SLC12A2: variants seen among roughly 807,000 people sequenced by gnomAD.
The protein encoded by SLC12A2 is solute carrier family 12 member 2, also known as Na-K-2Cl cotransporter 1.
Under a neutral mutation model 136.3 loss-of-function variants are expected in SLC12A2, and 67 were observed. The observed-to-expected ratio is 0.49, with a 90% CI of 0.40 to 0.60. SLC12A2 has a LOEUF of 0.60. Ranked by LOEUF, SLC12A2 falls within the 20% of genes least tolerant of loss-of-function variation. The pLI, the probability that SLC12A2 is intolerant of heterozygous loss-of-function variation, is 0.00. For synonymous variants in SLC12A2, 619 were observed against 562.9 expected, an observed-to-expected ratio of 1.10 and a Z score of -1.41; for missense variants, 1,322 against 1,534.7, an observed-to-expected ratio of 0.86 and a Z score of 2.32.
intron 4 of SLC12A2, among the ~76,000 whole-genome samples, chr5:128,128,603 A>G (rs528128943): frequency 1.3e-5 from 2 of 152,204 alleles, no homozygotes; most frequent in Admixed American, 1.3e-4. Flanking sequence ...GTTTAAATAC[A>G]GTTCTTTACT....
chr5:128,114,513 C>A, intron 3 of SLC12A2, 73 bp from the exon 4 acceptor site: 1 of 1,066,518 alleles, frequency 9.4e-7, no homozygotes, highest in Admixed American at 1.9e-5. Flanking sequence ...TATTCTTAGA[C>A]CAACCAGTTT....
chr5:128,131,876 A>G (rs967254897), intron 5 of SLC12A2, among the ~76,000 whole-genome samples: 1 of 151,972 alleles, frequency 6.6e-6, no homozygotes, highest in Admixed American at 6.5e-5. Flanking sequence ...GTGGTGGCGC[A>G]TGCCTGTAAT....
intron 1 of SLC12A2, among the ~76,000 whole-genome samples, chr5:128,103,507 G>A (rs572412514): frequency 5.3e-5 from 8 of 152,296 alleles, no homozygotes; most frequent in African/African-American, 1.9e-4. Flanking sequence ...TGACAGGAAA[G>A]GTCTGTGCTG....
rs70997362 is a variant in SLC12A2 at position 128,102,596 on chromosome 5, C to CTTTTTTTTTTTTTTTTTTTTTT, written c.757-10208_757-10187dup. 3.5e-4 allele frequency among the ~76,000 whole-genome samples: 14 copies of CTTTTTTTTTTTTTTTTTTTTTT among 40,460 alleles called. 3 individuals are homozygous for CTTTTTTTTTTTTTTTTTTTTTT. The highest frequency in any genetic ancestry group is 5.7e-4 in the East Asian group (1 of 1,746). The allele number at this position is 40,460 out of a possible 152,430, so 26.5% of individuals were successfully genotyped here. A position where few individuals can be genotyped will look rare whatever the true frequency, so the allele number is the denominator to read the frequency against. ...TTCTGTAATTCACCCCCCCCCCCGC[C>CTTTTTTTTTTTTTTTTTTTTTT]TTTTTTTTTTTTTTTTTTTTTTTTT... On this transcript the variant is annotated intron_variant, in intron 1 of 26. Coordinates refer to ENST00000262461, the MANE Select transcript of SLC12A2 (RefSeq NM_001046.3).
intron 4 of SLC12A2, among the ~76,000 whole-genome samples, chr5:128,125,012 T>C (rs1373910582): frequency 6.6e-6 from 1 of 152,222 alleles, no homozygotes; most frequent in Non-Finnish European, 1.5e-5. Context: ...TGCAGTAACC[T>C]TGGATGAAGA....
chr5:128,105,807 T>G (rs1343586408), intron 1 of SLC12A2, among the ~76,000 whole-genome samples: 1 of 152,194 alleles, frequency 6.6e-6, no homozygotes, highest in Admixed American at 6.5e-5. Context: ...CAGAAAAGTG[T>G]TCTGCTCCCT....
chr5:128,140,707 C>G lies in SLC12A2; in HGVS notation c.1622-1123C>G, dbSNP rs76372459. On this transcript the variant is annotated intron_variant, in intron 9 of 26. Coordinates refer to ENST00000262461, the MANE Select transcript of SLC12A2 (RefSeq NM_001046.3). ...TCAAAGAAGTGGAACCTTCCCCCCC[C>G]AAAAAATTTCAGGCATAGACTATCA... Among the ~76,000 whole-genome samples, 44 of 150,298 alleles carry G rather than the reference C, an allele frequency of 2.9e-4. 3 individuals carry two copies. The highest frequency in any genetic ancestry group is 1.9e-3 in the South Asian group (9 of 4,800).
intron 1 of SLC12A2, among the ~76,000 whole-genome samples, chr5:128,088,037 G>GTGTGTC (rs950115877): frequency 1.3e-5 from 2 of 151,570 alleles, no homozygotes; most frequent in African/African-American, 4.8e-5. Context: ...GTGTGTGTGT[G>GTGTGTC]TGTCTGTATA....
chr5:128,134,510 C>A (rs929118850), intron 6 of SLC12A2, among the ~76,000 whole-genome samples: 1 of 151,966 alleles, frequency 6.6e-6, no homozygotes, highest in Non-Finnish European at 1.5e-5. Context: ...TTGAATTTCC[C>A]GCCTTCTCGC....
chr5:128,146,118 T>TTG (rs1327921286), intron 10 of SLC12A2, among the ~76,000 whole-genome samples: 2 of 151,828 alleles, frequency 1.3e-5, no homozygotes, highest in South Asian at 4.1e-4. Context: ...CCTATTTGCT[T>TTG]TGTGTGTGTA....
Position 128,141,865 on chromosome 5 carries a change from A to C in SLC12A2, c.1657A>C (p.Asn553His). The C allele has an allele frequency of 6.2e-7, 1 of 1,613,738 alleles. No homozygotes were observed. Among genetic ancestry groups the C allele is most frequent in the Non-Finnish European group, 8.5e-7 (1 of 1,179,764 alleles). ...CVVRDATGNV[N>H]DTIVTELTNC... is the part of the protein sequence containing the mutation. Reference sequence around the variant, plus strand: ...TGTTCGAGATGCCACTGGAAACGTTAATGACACTATCGTAACAGAGCTAAC... The same window carrying C: ...TGTTCGAGATGCCACTGGAAACGTTCATGACACTATCGTAACAGAGCTAAC... Residue 553 changes from asparagine to histidine, a missense_variant, in exon 10 of 27, where the codon AAT becomes CAT. Asn to His is a moderately conservative substitution (Grantham distance 68, BLOSUM62 1). Around this residue, in one of 8 missense-constraint regions of SLC12A2, gnomAD observed 294 missense variants for 436.6 expected, o/e 0.67. Coordinates refer to ENST00000262461, the MANE Select transcript of SLC12A2 (RefSeq NM_001046.3).
At position 128,084,938 on chromosome 5, in the gene SLC12A2, T is replaced by TAG. The variant is rs1760033979; in HGVS notation, c.756+229_756+230insGA. Among the ~76,000 whole-genome samples, 1 of 150,360 alleles carries TAG rather than the reference T, an allele frequency of 6.7e-6. No homozygotes were observed. The highest frequency in any genetic ancestry group is 2.2e-4 in the South Asian group (1 of 4,648). On this transcript the variant is annotated intron_variant, in intron 1 of 26. Coordinates refer to ENST00000262461, the MANE Select transcript of SLC12A2 (RefSeq NM_001046.3). This position sits in a 1 kb window ranked among gnomAD's most constrained non-coding sequence, Gnocchi z 5.6. ...TTACGTGATACCGGAGGGCTGCCTC[T>TAG]AACAACCTTCCCCATCCAGTTAGGT...
At chr5:128,118,283 A>C (rs1761428757) in intron 4 of SLC12A2, among the ~76,000 whole-genome samples, 1 of 152,218 alleles carries the variant, frequency 6.6e-6, no homozygotes, top group African/African-American at 2.4e-5. Flanking sequence ...TGTTTATAGC[A>C]GTAGAATTCA....
chr5:128,127,413 G>A (rs970379661), intron 4 of SLC12A2, among the ~76,000 whole-genome samples: 1 of 151,990 alleles, frequency 6.6e-6, no homozygotes, highest in Non-Finnish European at 1.5e-5. Flanking sequence ...GAGCCACCGT[G>A]CCTAGCCTGG....
At chr5:128,171,586 T>C in intron 18 of SLC12A2, 81 bp from the exon 19 acceptor site, 2 of 821,104 alleles carry the variant, frequency 2.4e-6, no homozygotes, top group East Asian at 5.1e-5. Flanking sequence ...AGAGATCATC[T>C]ATTATTTATT....
intron 23 of SLC12A2, among the ~76,000 whole-genome samples, chr5:128,182,621 C>T (rs1446313301): frequency 6.6e-6 from 1 of 152,038 alleles, no homozygotes; most frequent in Non-Finnish European, 1.5e-5. Context: ...GTCCATTACT[C>T]AGTGCTAAGG....
At chr5:128,167,712 T>A in intron 17 of SLC12A2, 49 bp from the exon 18 acceptor site, 1 of 1,328,004 alleles carries the variant, frequency 7.5e-7, no homozygotes, top group Non-Finnish European at 1.1e-6. Context: ...CAGAAAACAT[T>A]TTGTTGAAAA....
chr5:128,170,801 C>T (rs910875495), intron 18 of SLC12A2: 1 of 152,052 alleles, frequency 6.6e-6, no homozygotes, highest in African/African-American at 2.4e-5. Flanking sequence ...GTATAGGATG[C>T]TCTCATTTCT....
chr5:128,124,940 T>TA (rs1761728980), intron 4 of SLC12A2, among the ~76,000 whole-genome samples: 1 of 152,200 alleles, frequency 6.6e-6, no homozygotes, highest in Admixed American at 6.5e-5. Context: ...GGGCTTATTT[T>TA]AAATAACAAA....
Sources: gnomAD v4.1 joint callset for allele counts (sites outside exome capture counted in the v4.1 genomes callset) on GRCh38, gnomAD v4.1.1 for gene constraint, gnomAD v4.1.1 regional missense constraint, Gnocchi (gnomAD v3.1) non-coding constraint, MANE v1.5 for transcripts, NCBI Gene and HGNC (gene_info 2026-07-23, HGNC 2026-07-21) for gene names.